Variants in PCDHGA2 observed in about 807,000 individuals in gnomAD.
The protein encoded by PCDHGA2 is protocadherin gamma subfamily A, 2, also known as protocadherin gamma-A2.
A neutral mutation model predicts 59.2 loss-of-function variants in PCDHGA2; 40 were observed. The ratio of observed to expected loss-of-function variants is 0.68; its 90% CI spans 0.52 to 0.88. The LOEUF (loss-of-function observed/expected upper bound fraction) is 0.88, where lower values mean the gene tolerates loss of function less well. PCDHGA2 is among the 40% of genes least tolerant of loss of function. The pLI, the probability that PCDHGA2 is intolerant of heterozygous loss-of-function variation, is 0.00. For synonymous variants in PCDHGA2, 560 were observed against 526.0 expected, an observed-to-expected ratio of 1.06 and a Z score of -0.89; for missense variants, 1,226 against 1,204.0, an observed-to-expected ratio of 1.02 and a Z score of -0.27.
At chr5:141,343,874 C>G in intron 1 of PCDHGA2, 3 of 605,888 alleles carry the variant, frequency 5.0e-6, no homozygotes, top group Non-Finnish European at 8.4e-6. Flanking sequence ...AAATCAGACT[C>G]AGAAGATCCG....
chr5:141,439,455 C>T (rs62379163), intron 1 of PCDHGA2, among the ~76,000 whole-genome samples: 5,115 of 152,308 alleles, frequency 0.034, 100 homozygotes, highest in Middle Eastern at 0.088. Context: ...GGGAGCAAGA[C>T]TGCACTGCTG....
At chr5:141,361,570 C>A in intron 1 of PCDHGA2, 1 of 1,614,036 alleles carries the variant, frequency 6.2e-7, no homozygotes. Context: ...TGCCTCTGAC[C>A]CTGACTTGGG....
At chr5:141,398,384 T>A (rs1413881140) in intron 1 of PCDHGA2, 1 of 1,454,330 alleles carries the variant, frequency 6.9e-7, no homozygotes, top group East Asian at 2.3e-5. Context: ...GAGTTGCTTG[T>A]GAGCAGCAGG....
chr5:141,482,736 C>T (rs897817817), intron 1 of PCDHGA2, among the ~76,000 whole-genome samples: 6 of 152,056 alleles, frequency 3.9e-5, no homozygotes, highest in African/African-American at 1.2e-4. Context: ...GCAAGAAATT[C>T]CATGCAGAGG....
chr5:141,474,242 G>A (rs575397598), intron 1 of PCDHGA2, among the ~76,000 whole-genome samples: 1 of 152,192 alleles, frequency 6.6e-6, no homozygotes, highest in African/African-American at 2.4e-5. Context: ...GCTGAATAGG[G>A]GAAAAAAAGA....
At position 141,389,707 on chromosome 5, in the gene PCDHGA2, A is replaced by G; in HGVS notation, c.2424+48312A>G. 1 of 1,612,620 alleles carries G rather than the reference A, an allele frequency of 6.2e-7. No homozygotes were observed. Among genetic ancestry groups the G allele is most frequent in the African/African-American group, 1.3e-5 (1 of 75,046 alleles). The stretch of plus-strand genomic sequence containing the variant: ...GCCTGGCTGTCCTACCACGTGCTGC[A>G]GGCTAGCGAGCCCGGGCTCTTCAGC... On this transcript the variant is annotated intron_variant, in intron 1 of 3. Coordinates refer to ENST00000394576, the MANE Select transcript of PCDHGA2 (RefSeq NM_018915.4).
In PCDHGA2 at chr5:141,491,359, G is replaced by C. The variant is rs764159829; in HGVS notation, c.2425-3448G>C. 3 of 1,614,154 alleles carry C rather than the reference G, an allele frequency of 1.9e-6. No homozygotes were observed. In the East Asian group the frequency reaches 6.7e-5, roughly 36 times the overall value. On this transcript the variant is annotated intron_variant, in intron 1 of 3. Coordinates refer to ENST00000394576, the MANE Select transcript of PCDHGA2 (RefSeq NM_018915.4). This position sits in a 1 kb window ranked among gnomAD's most constrained non-coding sequence, Gnocchi z 6.9. ...AGCGACCGTCAGTCTCTTATCCCTA[G>C]TCACCTTCACCTTTCTGTCAGCGAA...
intron 1 of PCDHGA2, chr5:141,384,511 G>A (rs1780163912): frequency 6.2e-7 from 1 of 1,614,188 alleles, no homozygotes; most frequent in Non-Finnish European, 8.5e-7. Flanking sequence ...ACATGACAGC[G>A]GGGACCCGCC....
chr5:141,369,516 T>C (rs1766308366), intron 1 of PCDHGA2, among the ~76,000 whole-genome samples: 1 of 151,978 alleles, frequency 6.6e-6, no homozygotes, highest in South Asian at 2.1e-4. Flanking sequence ...AAAAAAAAAG[T>C]TTTCAATCAT....
chr5:141,384,792 C>T lies in PCDHGA2; in HGVS notation c.2424+43397C>T, dbSNP rs374905153. ...CGGGCGAGGTGCGCACGGCTCGGGC[C>T]CTGCTGGACAGAGATGCCCTCAAGC... On this transcript the variant is annotated intron_variant, in intron 1 of 3. Transcript: ENST00000394576. The T allele has an allele frequency of 5.0e-6, 8 of 1,613,404 alleles. No homozygotes were observed. The African/African-American group carries it at 6.7e-5, about 13-fold the overall frequency.
In PCDHGA2 at chr5:141,476,584, C is replaced by A; in HGVS notation, c.2425-18223C>A. ...TGGCTCCGGGGACGCGCTTTCCGCTCGAGAGCGCGCACGATCCCGATGTGG... is the reference window on the plus strand; with the variant it reads ...TGGCTCCGGGGACGCGCTTTCCGCTAGAGAGCGCGCACGATCCCGATGTGG... On this transcript the variant is annotated intron_variant, in intron 1 of 3. Coordinates refer to ENST00000394576, the MANE Select transcript of PCDHGA2 (RefSeq NM_018915.4). This position sits in a 1 kb window ranked among gnomAD's most constrained non-coding sequence, Gnocchi z 7.6. The A allele has an allele frequency of 6.2e-7, 1 of 1,614,216 alleles. No homozygotes were observed. The highest frequency in any genetic ancestry group is 8.5e-7 in the Non-Finnish European group (1 of 1,180,042).
At chr5:141,376,108 G>T in intron 1 of PCDHGA2, 2 of 1,613,770 alleles carry the variant, frequency 1.2e-6, no homozygotes, top group Non-Finnish European at 1.7e-6. Flanking sequence ...TGGCCGACCT[G>T]GGCAGCCTCG....
chr5:141,393,623 T>A (rs1446921809), intron 1 of PCDHGA2: 2 of 1,613,916 alleles, frequency 1.2e-6, no homozygotes, highest in African/African-American at 2.7e-5. Flanking sequence ...GCGACCCGGA[T>A]GAGGGAATCA....
At chr5:141,420,046 A>G (rs772981030) in intron 1 of PCDHGA2, 6 of 1,614,048 alleles carry the variant, frequency 3.7e-6, no homozygotes, top group South Asian at 1.1e-5. Context: ...GCTTTGAGTC[A>G]GTTCTCTGCT....
chr5:141,374,153 T>TG (rs1373211276), intron 1 of PCDHGA2: 5 of 1,612,056 alleles, frequency 3.1e-6, no homozygotes, highest in African/African-American at 2.7e-5. Flanking sequence ...GGGGACGCTG[T>TG]GGGGGGCCGC....
At chr5:141,359,864 AAAG>A (rs1223806180) in intron 1 of PCDHGA2, among the ~76,000 whole-genome samples, 1 of 152,206 alleles carries the variant, frequency 6.6e-6, no homozygotes, top group African/African-American at 2.4e-5. Flanking sequence ...TTAAAAAAGA[AAAG>A]AAAAGAAAAA....
At chr5:141,408,763 T>C in intron 1 of PCDHGA2, 1 of 1,611,150 alleles carries the variant, frequency 6.2e-7, no homozygotes. Context: ...TTAATTCCGA[T>C]GGTGGCAAAT....
At chr5:141,385,448 AC>A (rs1336219074) in intron 1 of PCDHGA2, 2 of 1,449,614 alleles carry the variant, frequency 1.4e-6, no homozygotes, top group Non-Finnish European at 9.1e-7. Flanking sequence ...AAATGAGTTT[AC>A]CAGTTTCCTT....
At position 141,494,824 on chromosome 5, in the gene PCDHGA2, G is replaced by C; in HGVS notation, c.2442G>C (p.Thr814=). 6.2e-7 allele frequency: 1 copy of C among 1,614,042 alleles called. No individual in the cohort carries two copies. Among genetic ancestry groups the C allele is most frequent in the East Asian group, 2.2e-5 (1 of 44,866 alleles). The change falls in exon 2 of 4, where the codon ACG becomes ACC. Residue 814 remains threonine, a synonymous_variant. Transcript: ENST00000394576. The part of the protein sequence containing the change: ...ETFSQQAPPN[T]DWRFSQAQRP... ...CTCCACAGCAAGCCCCGCCCAACAC[G>C]GACTGGCGTTTCTCTCAGGCCCAGA...
Sources: gnomAD v4.1 joint callset for allele counts (sites outside exome capture counted in the v4.1 genomes callset) on GRCh38, gnomAD v4.1.1 for gene constraint, Gnocchi (gnomAD v3.1) non-coding constraint, MANE v1.5 for transcripts, NCBI Gene and HGNC (gene_info 2026-07-23, HGNC 2026-07-21) for gene names.